NEK6: variants seen among roughly 807,000 people sequenced by gnomAD.
NEK6 encodes the protein serine/threonine-protein kinase Nek6.
Under a neutral mutation model 43.5 loss-of-function variants are expected in NEK6, and 27 were observed. That is an observed-to-expected ratio of 0.62 (90% CI 0.46 to 0.86). The LOEUF is 0.86. NEK6 is among the 40% of genes least tolerant of loss of function. The probability of loss-of-function intolerance (pLI) is 0.00; values close to 1 mark genes in which losing one functional copy is unlikely to be tolerated. For synonymous variants in NEK6, 167 were observed against 164.1 expected (o/e 1.02, Z -0.14); for missense variants, 318 against 414.4 (o/e 0.77, Z 2.02).
rs114684365 is a variant in NEK6, at chr9:124,317,075, T to C, written c.294+3090T>C. On this transcript the variant is annotated intron_variant, in intron 4 of 9. Transcript: ENST00000320246. ...CATAGCAGCTTGCCCACGCCGTAGG[T>C]CATGTCTCAGAGATTTGAAGGCACT... Among the ~76,000 whole-genome samples, 309 of 152,278 alleles carry C rather than the reference T, an allele frequency of 2.0e-3. 1 individual carries two copies. The highest frequency in any genetic ancestry group is 7.3e-3 in the African/African-American group (302 of 41,550).
At chr9:124,304,815 T>C in intron 2 of NEK6, among the ~76,000 whole-genome samples, 1 of 152,162 alleles carries the variant, frequency 6.6e-6, no homozygotes, top group Non-Finnish European at 1.5e-5. Flanking sequence ...GAACCATATA[T>C]GAAATTCATA....
At chr9:124,334,932 A>G (rs1278197450) in intron 7 of NEK6, among the ~76,000 whole-genome samples, 3 of 152,136 alleles carry the variant, frequency 2.0e-5, no homozygotes, top group African/African-American at 7.2e-5. Flanking sequence ...TGAGCAGAGG[A>G]GACTCAGGGT....
intron 6 of NEK6, 103 bp from the exon 7 acceptor site, chr9:124,327,235 C>A: frequency 1.1e-6 from 1 of 905,482 alleles, no homozygotes; most frequent in Non-Finnish European, 1.8e-6. Flanking sequence ...CCTGAGGGAG[C>A]AGGACCTGGG....
intron 1 of NEK6, among the ~76,000 whole-genome samples, chr9:124,272,194 G>A (rs751135359): frequency 3.9e-5 from 6 of 152,342 alleles, no homozygotes; most frequent in Admixed American, 2.0e-4. Flanking sequence ...CCCCTGTGAC[G>A]CTCTGGGGAG....
At chr9:124,266,312 G>A (rs898773143) in intron 1 of NEK6, among the ~76,000 whole-genome samples, 6 of 152,170 alleles carry the variant, frequency 3.9e-5, no homozygotes, top group Non-Finnish European at 5.9e-5. Context: ...TGTGGGTATC[G>A]TTCTGCCCAT....
intron 1 of NEK6, chr9:124,292,472 C>T (rs576698950): frequency 5.9e-6 from 9 of 1,537,008 alleles, no homozygotes; most frequent in Admixed American, 3.9e-5. Flanking sequence ...GGGGAGGCCA[C>T]GGGCTTGAAA....
At chr9:124,264,814 CAAAAAAAAAAAA>C (rs372219790) in intron 1 of NEK6, among the ~76,000 whole-genome samples, 5 of 88,700 alleles carry the variant, frequency 5.6e-5, no homozygotes, top group African/African-American at 2.1e-4. Flanking sequence ...GACTCTGTAT[CAAAAAAAAAAAA>C]AAAAAAAAAA....
intron 1 of NEK6, among the ~76,000 whole-genome samples, chr9:124,293,323 A>G (rs1199800710): frequency 6.6e-6 from 1 of 152,230 alleles, no homozygotes; most frequent in Non-Finnish European, 1.5e-5. Context: ...TGCTGCCTGC[A>G]GTGCCCGACA....
chr9:124,312,795 G>A (rs1833603666), intron 3 of NEK6, 146 bp downstream of exon 3: 6 of 813,194 alleles, frequency 7.4e-6, no homozygotes, highest in Non-Finnish European at 1.1e-5. Flanking sequence ...AGAGAACCAG[G>A]TGGACTCCTA....
At chr9:124,300,577 A>G (rs1832917021) in intron 1 of NEK6, among the ~76,000 whole-genome samples, 1 of 152,124 alleles carries the variant, frequency 6.6e-6, no homozygotes, top group South Asian at 2.1e-4. Context: ...GGGGATATGT[A>G]GGCATGGGAT....
rs1829781423 is a variant in NEK6 at position 124,343,861 on chromosome 9, T to C, written c.718-3848T>C. Among the ~76,000 whole-genome samples the C allele has an allele frequency of 6.6e-6, 1 of 152,182 alleles. No individual in the cohort carries two copies. Among genetic ancestry groups the C allele is most frequent in the African/African-American group, 2.4e-5 (1 of 41,444 alleles). On this transcript the variant is annotated intron_variant, in intron 8 of 9. Coordinates refer to ENST00000320246, the MANE Select transcript of NEK6 (RefSeq NM_014397.6). The surrounding 1 kb of genome is among the most constrained non-coding windows in gnomAD (Gnocchi z 5.1). ...ACAGCCCGGAAGGCTCAAAAGCCCC[T>C]GTGCTCATCCCTGTGGCTGCAGTGA...
chr9:124,284,391 G>GTCCTTGGGGATCTGGTGAAACATGAGGCC (rs1391741059), intron 1 of NEK6, among the ~76,000 whole-genome samples: 8 of 152,264 alleles, frequency 5.3e-5, no homozygotes, highest in Non-Finnish European at 1.0e-4. Flanking sequence ...GACTGATGGA[G>GTCCTTGGGGATCTGGTGAAACATGAGGCC]TCCTTGGGGA....
At chr9:124,281,863 C>CT (rs1210309901) in intron 1 of NEK6, among the ~76,000 whole-genome samples, 7 of 152,154 alleles carry the variant, frequency 4.6e-5, no homozygotes, top group African/African-American at 1.4e-4. Context: ...CCAGAAAACT[C>CT]TGGCAACCTA....
chr9:124,313,070 C>T (rs770869089), intron 3 of NEK6, among the ~76,000 whole-genome samples: 11 of 152,332 alleles, frequency 7.2e-5, no homozygotes, highest in Non-Finnish European at 1.5e-4. Context: ...CCTTCTGCGT[C>T]CCTCCTAAAT....
At chr9:124,313,457 T>C (rs1833648376) in intron 3 of NEK6, among the ~76,000 whole-genome samples, 1 of 151,714 alleles carries the variant, frequency 6.6e-6, no homozygotes, top group African/African-American at 2.4e-5. Flanking sequence ...AACCTCTGCC[T>C]CCCGGGTTCA....
chr9:124,297,880 T>C (rs550283590), intron 1 of NEK6, among the ~76,000 whole-genome samples: 2 of 152,240 alleles, frequency 1.3e-5, no homozygotes, highest in Non-Finnish European at 2.9e-5. Flanking sequence ...TTTCTGCATC[T>C]GAACCCCCTA....
intron 1 of NEK6, among the ~76,000 whole-genome samples, chr9:124,300,379 C>G (rs1236205265): frequency 1.3e-5 from 2 of 152,112 alleles, no homozygotes; most frequent in Admixed American, 1.3e-4. Flanking sequence ...TGGAACACCC[C>G]CGTGTTAATG....
At chr9:124,349,061 T>G (rs1040191969) in intron 9 of NEK6, among the ~76,000 whole-genome samples, 1 of 152,234 alleles carries the variant, frequency 6.6e-6, no homozygotes, top group African/African-American at 2.4e-5. Flanking sequence ...GCTGCGCTTG[T>G]GTCCAGGCCG....
intron 8 of NEK6, among the ~76,000 whole-genome samples, chr9:124,344,554 C>T (rs1451957281): frequency 5.3e-5 from 8 of 152,226 alleles, no homozygotes; most frequent in Admixed American, 4.6e-4. Flanking sequence ...GTGGGGAGCC[C>T]CCGGTGGGAG....
Sources: gnomAD v4.1 joint callset for allele counts (sites outside exome capture counted in the v4.1 genomes callset) on GRCh38, gnomAD v4.1.1 for gene constraint, Gnocchi (gnomAD v3.1) non-coding constraint, MANE v1.5 for transcripts, NCBI Gene and HGNC (gene_info 2026-07-23, HGNC 2026-07-21) for gene names.